NYAP2: variants seen among roughly 807,000 people sequenced by gnomAD.
NYAP2 encodes the protein neuronal tyrosine-phosphorylated phosphoinositide-3-kinase adapter 2.
A neutral mutation model predicts 50.4 loss-of-function variants in NYAP2; 23 were observed. The ratio of observed to expected loss-of-function variants is 0.46; its 90% confidence interval spans 0.33 to 0.65. The LOEUF (loss-of-function observed/expected upper bound fraction) is 0.65, where lower values mean the gene tolerates loss of function less well. NYAP2 is among the 30% of genes least tolerant of loss of function. NYAP2 has a pLI of 0.02. For missense variants in NYAP2, 885 were observed against 861.0 expected (o/e 1.03, Z -0.35); for synonymous variants, 394 against 365.2 (o/e 1.08, Z -0.90).
In NYAP2 at chr2:225,570,452, G is replaced by C. The variant is rs576743052; in HGVS notation, c.524-11489G>C. Among the ~76,000 whole-genome samples the C allele has an allele frequency of 6.6e-5, 10 of 152,312 alleles. No homozygotes were observed. The East Asian group carries it at 1.5e-3, about 24-fold the overall frequency. On this transcript the variant is annotated intron_variant, in intron 4 of 6. Coordinates refer to ENST00000636099, the Ensembl canonical transcript of NYAP2. ...AGAAAAGAGGTTTAATTGACTCACA[G>C]TTCTGCATGGCTGGGGAGGCCTCAG...
intron 3 of NYAP2, among the ~76,000 whole-genome samples, chr2:225,473,882 C>A (rs920914090): frequency 1.3e-5 from 2 of 152,070 alleles, no homozygotes; most frequent in African/African-American, 4.8e-5. Context: ...GAAGTCCTTG[C>A]CCATGCCTAT....
intron 4 of NYAP2, among the ~76,000 whole-genome samples, chr2:225,568,548 G>A (rs1692003207): frequency 6.6e-6 from 1 of 152,224 alleles, no homozygotes; most frequent in East Asian, 1.9e-4. Context: ...ACTGTCAAAG[G>A]TCTATAAGTC....
At chr2:225,445,442 T>C (rs780916563) in intron 3 of NYAP2, among the ~76,000 whole-genome samples, 5 of 152,088 alleles carry the variant, frequency 3.3e-5, no homozygotes, top group Admixed American at 6.5e-5. Context: ...TGAATTTATA[T>C]AAAATCAGTA....
At chr2:225,420,657 G>A (rs1267200461) in intron 3 of NYAP2, among the ~76,000 whole-genome samples, 1 of 151,004 alleles carries the variant, frequency 6.6e-6, no homozygotes, top group African/African-American at 2.4e-5. Flanking sequence ...TGCCACCCAG[G>A]CTGAGTGCAG....
At chr2:225,593,741 A>G (rs1396189501) in intron 5 of NYAP2, among the ~76,000 whole-genome samples, 1 of 152,246 alleles carries the variant, frequency 6.6e-6, no homozygotes, top group African/African-American at 2.4e-5. Flanking sequence ...GGTACATGAT[A>G]AGTATTTATT....
chr2:225,612,218 T>C (rs1052550211), intron 5 of NYAP2, among the ~76,000 whole-genome samples: 1 of 150,782 alleles, frequency 6.6e-6, no homozygotes, highest in Non-Finnish European at 1.5e-5. Flanking sequence ...AGATTTCCAT[T>C]TCCACATCTC....
intron 5 of NYAP2, among the ~76,000 whole-genome samples, chr2:225,614,323 C>G (rs1172505079): frequency 6.6e-6 from 1 of 151,986 alleles, no homozygotes; most frequent in Non-Finnish European, 1.5e-5. Context: ...TAAACTATTT[C>G]TTACAGATTT....
intron 5 of NYAP2, among the ~76,000 whole-genome samples, chr2:225,604,505 G>A (rs952958655): frequency 1.3e-5 from 2 of 152,076 alleles, no homozygotes; most frequent in African/African-American, 4.8e-5. Context: ...TTATGAAGAA[G>A]CACGATCTGA....
chr2:225,678,283 C>T, the NYAP2 span, among the ~76,000 whole-genome samples: 5 of 152,076 alleles, frequency 3.3e-5, no homozygotes, highest in East Asian at 5.8e-4. Context: ...TTTCTGATTG[C>T]GTTTATTTGA....
chr2:225,463,557 A>C (rs1689868910), intron 3 of NYAP2, among the ~76,000 whole-genome samples: 1 of 152,272 alleles, frequency 6.6e-6, no homozygotes, highest in Non-Finnish European at 1.5e-5. Context: ...AGTTACCAGC[A>C]AGTGAAAAAC....
intron 6 of NYAP2, among the ~76,000 whole-genome samples, chr2:225,645,796 A>C (rs145156600): frequency 6.6e-6 from 1 of 152,268 alleles, no homozygotes; most frequent in Admixed American, 6.5e-5. Flanking sequence ...TCAGGATCAA[A>C]ACTTATTGTC....
chr2:225,482,316 G>C (rs563495411), intron 3 of NYAP2, among the ~76,000 whole-genome samples: 1 of 152,272 alleles, frequency 6.6e-6, no homozygotes, highest in Admixed American at 6.5e-5. Context: ...TGTGAGATGA[G>C]TGGTCTGAGA....
chr2:225,602,283 C>G (rs998380437), intron 5 of NYAP2, among the ~76,000 whole-genome samples: 1 of 151,890 alleles, frequency 6.6e-6, no homozygotes, highest in Non-Finnish European at 1.5e-5. Context: ...ACTTAGCTCA[C>G]GGTCAATTAC....
At chr2:225,398,852 TA>T (rs1431739804), upstream of NYAP2, among the ~76,000 whole-genome samples, 2 of 152,056 alleles carry the variant, frequency 1.3e-5, no homozygotes, top group African/African-American at 2.4e-5. Flanking sequence ...TCAGGACATG[TA>T]AAATAGAAAA....
chr2:225,576,664 A>G (rs1387613331), intron 4 of NYAP2, among the ~76,000 whole-genome samples: 1 of 152,224 alleles, frequency 6.6e-6, no homozygotes, highest in Non-Finnish European at 1.5e-5. Flanking sequence ...CTAAAACATG[A>G]TAAGCAAAGT....
chr2:225,613,084 G>A lies in NYAP2; in HGVS notation c.1619-13833G>A, dbSNP rs143191044. ...GAGAATTGACTCACACAATTACGAG[G>A]CGAAGTCTCACGATAGGCTGGCTGC... On this transcript the variant is annotated intron_variant, in intron 5 of 6. Transcript: ENST00000636099. Among the ~76,000 whole-genome samples the A allele has an allele frequency of 3.0e-3, 452 of 152,268 alleles. 1 individual carries two copies. Among genetic ancestry groups the A allele is most frequent in the Middle Eastern group, 0.01 (3 of 292 alleles).
chr2:225,495,356 A>C (rs1690485602), intron 3 of NYAP2, among the ~76,000 whole-genome samples: 1 of 152,198 alleles, frequency 6.6e-6, no homozygotes, highest in Non-Finnish European at 1.5e-5. Flanking sequence ...ACTCGACTGG[A>C]GGATTGACTC....
chr2:225,526,247 G>A (rs1043799386), intron 4 of NYAP2, among the ~76,000 whole-genome samples: 7 of 152,148 alleles, frequency 4.6e-5, no homozygotes, highest in Non-Finnish European at 7.4e-5. Context: ...CACTTGTTAA[G>A]CAGCAATCAA....
the NYAP2 span, among the ~76,000 whole-genome samples, chr2:225,692,294 A>G: frequency 6.6e-6 from 1 of 152,122 alleles, no homozygotes; most frequent in African/African-American, 2.4e-5. Flanking sequence ...TGATTTATCT[A>G]CTTTGGAAAA....
Sources: allele counts gnomAD v4.1 joint callset (sites outside exome capture counted in the v4.1 genomes callset), GRCh38; gene constraint gnomAD v4.1.1; transcripts MANE v1.5; gene names NCBI Gene and HGNC (gene_info 2026-07-23, HGNC 2026-07-21).